The following ADGRF5 variants were observed in gnomAD, a reference collection of about 807,000 sequenced individuals.
ADGRF5 encodes adhesion G protein-coupled receptor F5, also known as G-protein coupled receptor 116.
Under a neutral mutation model 132.3 loss-of-function variants are expected in ADGRF5, and 75 were observed. The observed-to-expected ratio is 0.57, with a 90% CI of 0.47 to 0.69. The LOEUF (loss-of-function observed/expected upper bound fraction) is 0.69. Ranked by LOEUF, ADGRF5 falls within the 30% of genes least tolerant of loss-of-function variation. The probability of loss-of-function intolerance (pLI) is 0.00; values close to 1 mark genes in which losing one functional copy is unlikely to be tolerated. For synonymous variants in ADGRF5, 629 were observed against 597.6 expected (o/e 1.05, Z -0.77); for missense variants, 1,516 against 1,630.6 (o/e 0.93, Z 1.21).
chr6:46,884,620 T>C (rs1772854133), intron 4 of ADGRF5, among the ~76,000 whole-genome samples: 1 of 152,238 alleles, frequency 6.6e-6, no homozygotes, highest in African/African-American at 2.4e-5. Context: ...CACTAGGTAT[T>C]CAAACCCTTT....
At chr6:46,922,483 C>T (rs116503115), upstream of ADGRF5, among the ~76,000 whole-genome samples, 1,260 of 152,182 alleles carry the variant, frequency 8.3e-3, 5 homozygotes, top group Non-Finnish European at 0.013. Flanking sequence ...CTTAAAATAC[C>T]GCTCAATAGC....
intron 4 of ADGRF5, chr6:46,886,794 C>T (rs938648343): frequency 1.3e-5 from 2 of 152,192 alleles, no homozygotes; most frequent in African/African-American, 2.4e-5. Flanking sequence ...TCTTTTAGGC[C>T]AACTCCTCTT....
intron 9 of ADGRF5, 64 bp from the exon 10 acceptor site, chr6:46,878,469 C>A: frequency 1.0e-6 from 1 of 975,270 alleles, no homozygotes; most frequent in African/African-American, 1.6e-5. Context: ...GAGGAATGTA[C>A]CGTCAGCTCA....
Position 46,888,486 on chromosome 6 carries a change from C to T in ADGRF5, c.177G>A (p.Thr59=), listed in dbSNP as rs763377763. ...CAATATTAACAGTGTATTCTTCAGCCGTAGGACTTTTTGTGGCAACTGCAA... is the reference window on the plus strand; with the variant it reads ...CAATATTAACAGTGTATTCTTCAGCTGTAGGACTTTTTGTGGCAACTGCAA... ...QKRAVATKSP[T]AEEYTVNIEI... Residue 59 remains threonine (T), a synonymous_variant, in exon 4 of 21, where the codon ACG becomes ACA. Transcript: ENST00000283296. The T allele has an allele frequency of 3.0e-5, 49 of 1,612,850 alleles. No homozygotes were observed. In the South Asian group the frequency reaches 3.5e-4, roughly 12 times the overall value.
chr6:46,909,897 G>A (rs1374808572), intron 1 of ADGRF5, among the ~76,000 whole-genome samples: 2 of 152,036 alleles, frequency 1.3e-5, no homozygotes, highest in African/African-American at 4.8e-5. Flanking sequence ...CTACTCAGGG[G>A]GCTGAGGTGG....
At position 46,878,425 on chromosome 6, in the gene ADGRF5, T is replaced by A; in HGVS notation, c.1037-20A>T. The A allele has an allele frequency of 7.1e-7, 1 of 1,400,148 alleles. No individual in the cohort carries two copies. The highest frequency in any genetic ancestry group is 1.0e-6 in the Non-Finnish European group (1 of 990,504). 86.7% of individuals were successfully genotyped at this position (1,400,148 alleles called of 1,614,324 possible). On this transcript the variant is annotated intron_variant, in intron 9 of 20. Transcript: ENST00000283296. ...ATTCACCTGCATAAAATACACAAAATCATGTATTATTATAACACATGTGTA... is the reference window on the plus strand; with the variant it reads ...ATTCACCTGCATAAAATACACAAAAACATGTATTATTATAACACATGTGTA...
At chr6:46,865,658 G>A (rs1320051697) in intron 13 of ADGRF5, among the ~76,000 whole-genome samples, 3 of 152,200 alleles carry the variant, frequency 2.0e-5, no homozygotes, top group Non-Finnish European at 4.4e-5. Context: ...AGCACTGAAT[G>A]TATGCATATT....
chr6:46,919,794 C>A (rs1043518537), intron 1 of ADGRF5, among the ~76,000 whole-genome samples: 17 of 152,140 alleles, frequency 1.1e-4, no homozygotes, highest in African/African-American at 3.1e-4. Flanking sequence ...GGTGGAGAAA[C>A]CCTGTAAAGA....
chr6:46,879,568 C>A (rs1772215853), intron 9 of ADGRF5, among the ~76,000 whole-genome samples: 1 of 152,198 alleles, frequency 6.6e-6, no homozygotes, highest in African/African-American at 2.4e-5. Context: ...CCTCCCCAAC[C>A]ATGCAGAACT....
Position 46,900,101 on chromosome 6 carries a change from G to A in ADGRF5, c.103-18C>T. On this transcript the variant is annotated intron_variant, in intron 2 of 20. Transcript: ENST00000283296. ...TGAAGACTCTGAAAAGAACATTTGA[G>A]AAAGTTGTCAATTAACGTTAGAGAA... 1 of 1,601,418 alleles carries A rather than the reference G, an allele frequency of 6.2e-7. No homozygotes were observed. The highest frequency in any genetic ancestry group is 1.7e-5 in the Admixed American group (1 of 60,000).
chr6:46,891,728 ATCAC>A (rs1299630266), intron 3 of ADGRF5, among the ~76,000 whole-genome samples: 28 of 152,186 alleles, frequency 1.8e-4, no homozygotes, highest in South Asian at 1.2e-3. Flanking sequence ...CACGGATGTT[ATCAC>A]TCCCCATTGA....
intron 15 of ADGRF5, among the ~76,000 whole-genome samples, chr6:46,862,358 T>A (rs77493437): frequency 0.025 from 3,827 of 152,250 alleles, 68 homozygotes; most frequent in Non-Finnish European, 0.04. Flanking sequence ...CCCTGTTACA[T>A]AGCGGTAACC....
At chr6:46,898,993 G>A (rs779704928) in intron 3 of ADGRF5, among the ~76,000 whole-genome samples, 12 of 152,174 alleles carry the variant, frequency 7.9e-5, no homozygotes, top group South Asian at 2.1e-4. Flanking sequence ...TGAGGAGAAC[G>A]CAGGTGAGCT....
At chr6:46,913,754 G>C (rs751835199) in intron 1 of ADGRF5, among the ~76,000 whole-genome samples, 1 of 152,140 alleles carries the variant, frequency 6.6e-6, no homozygotes, top group Non-Finnish European at 1.5e-5. Flanking sequence ...GAAGGTGAAG[G>C]TTCTTCCCAC....
At chr6:46,869,235 T>C (rs1217212978) in intron 11 of ADGRF5, 143 bp from the exon 12 acceptor site, 10 of 1,476,536 alleles carry the variant, frequency 6.8e-6, no homozygotes, top group Non-Finnish European at 6.2e-6. Flanking sequence ...CATGTCAAGG[T>C]AGAATTGGTA....
Position 46,884,245 on chromosome 6 carries a change from A to G in ADGRF5, c.355T>C (p.Trp119Arg), listed in dbSNP as rs143999232. The change falls in exon 5 of 21, where the codon TGG (tryptophan) becomes CGG (arginine). Residue 119 changes from tryptophan (W) to arginine (R), a missense_variant. Transcript: ENST00000283296. The stretch of plus-strand genomic sequence containing the variant: ...CCATAACCTGTCTCGCAGGAGCACC[A>G]GATTTCATTTCCAGCAGGTCTGCAG... ...TVCRPAGNEI[W>R]CSCETGYGWP... The G allele has an allele frequency of 1.6e-5, 26 of 1,613,812 alleles. No individual in the cohort carries two copies. The highest frequency in any genetic ancestry group is 2.1e-5 in the Non-Finnish European group (25 of 1,179,798).
Position 46,862,983 on chromosome 6 carries a change from C to T in ADGRF5, c.2104G>A (p.Gly702Arg), listed in dbSNP as rs1438105655. 3 of 1,613,308 alleles carry T rather than the reference C, an allele frequency of 1.9e-6. No individual in the cohort carries two copies. Among genetic ancestry groups the T allele is most frequent in the Non-Finnish European group, 2.5e-6 (3 of 1,179,560 alleles). Residue 702 changes from glycine to arginine, a missense_variant, in exon 15 of 21, where the codon GGG becomes AGG. Physicochemically the swap from Gly to Arg is moderately radical, Grantham distance 125. This residue lies in a region of ADGRF5 where 945 missense variants were observed against 929.4 expected (regional missense o/e 1.02). Transcript: ENST00000283296. ...CCTACACATTTGTAAGTGATGGTCC[C>T]GCCAATGGGACTCTCAGGGCTGCTG... ...VPSSPESPIG[G>R]TITYKCVGSQ...
At chr6:46,932,878 T>C (rs549881774) in intron 1 of ADGRF5, among the ~76,000 whole-genome samples, 2 of 152,304 alleles carry the variant, frequency 1.3e-5, no homozygotes, top group African/African-American at 4.8e-5. Flanking sequence ...CTTTCAAGAA[T>C]ACATAATATG....
At chr6:46,871,049 T>C (rs1771005004) in intron 11 of ADGRF5, among the ~76,000 whole-genome samples, 1 of 151,392 alleles carries the variant, frequency 6.6e-6, no homozygotes, top group South Asian at 2.1e-4. Flanking sequence ...ATAATCTTGA[T>C]CTTTGTAAAA....
Sources: gnomAD v4.1 joint callset for allele counts (sites outside exome capture counted in the v4.1 genomes callset) on GRCh38, gnomAD v4.1.1 for gene constraint, gnomAD v4.1.1 regional missense constraint, MANE v1.5 for transcripts, NCBI Gene and HGNC (gene_info 2026-07-23, HGNC 2026-07-21) for gene names.